Variants in ADCY2 observed in about 807,000 individuals in gnomAD.
ADCY2 encodes adenylate cyclase type 2.
Under a neutral mutation model 125.2 loss-of-function variants are expected in ADCY2, and 31 were observed. The observed-to-expected ratio is 0.25, with a 90% confidence interval of 0.19 to 0.33. ADCY2 has a LOEUF of 0.33. Ranked by LOEUF, ADCY2 falls within the 10% of genes least tolerant of loss-of-function variation. The probability of loss-of-function intolerance (pLI) is 1.00; values close to 1 mark genes in which losing one functional copy is unlikely to be tolerated. For synonymous variants in ADCY2, 512 were observed against 548.4 expected (o/e 0.93, Z 0.93); for missense variants, 904 against 1,418.2 (o/e 0.64, Z 5.82).
intron 2 of ADCY2, among the ~76,000 whole-genome samples, chr5:7,422,279 A>G (rs778467205): frequency 3.9e-5 from 6 of 152,018 alleles, no homozygotes; most frequent in Non-Finnish European, 8.8e-5. Context: ...GGCCGCAAGC[A>G]ATCTTCCTGC....
intron 13 of ADCY2, among the ~76,000 whole-genome samples, chr5:7,725,527 A>G (rs1212664346): frequency 6.6e-6 from 1 of 152,106 alleles, no homozygotes; most frequent in Non-Finnish European, 1.5e-5. Context: ...GACTCTGACC[A>G]TTGACTGCAG....
chr5:7,418,645 C>CTTT (rs1160037097), intron 2 of ADCY2, among the ~76,000 whole-genome samples: 8 of 92,496 alleles, frequency 8.6e-5, no homozygotes, highest in African/African-American at 3.1e-4. Flanking sequence ...AGTCTACCTT[C>CTTT]TGTTTTTTTT....
At chr5:7,582,698 A>C (rs766279792) in intron 3 of ADCY2, among the ~76,000 whole-genome samples, 5 of 152,164 alleles carry the variant, frequency 3.3e-5, no homozygotes, top group Admixed American at 6.5e-5. Context: ...TGATTAAAAC[A>C]CTCAGTAGTT....
At chr5:7,696,780 T>TC (rs144484023) in intron 6 of ADCY2, among the ~76,000 whole-genome samples, 2,422 of 152,178 alleles carry the variant, frequency 0.016, 57 homozygotes, top group African/African-American at 0.047. Flanking sequence ...TGGGCCAAAC[T>TC]CCCCAAGGTT....
intron 14 of ADCY2, among the ~76,000 whole-genome samples, chr5:7,732,756 G>A (rs1391423956): frequency 6.6e-6 from 1 of 152,140 alleles, no homozygotes; most frequent in Admixed American, 6.5e-5. Context: ...GTGAGTAAAT[G>A]AATGAATGAA....
At chr5:7,562,115 G>C (rs1735727141) in intron 3 of ADCY2, among the ~76,000 whole-genome samples, 1 of 151,888 alleles carries the variant, frequency 6.6e-6, no homozygotes. Flanking sequence ...ACTAATTATT[G>C]TTGATATATA....
intron 3 of ADCY2, among the ~76,000 whole-genome samples, chr5:7,538,811 C>G (rs1442850845): frequency 6.6e-6 from 1 of 151,310 alleles, no homozygotes; most frequent in Non-Finnish European, 1.5e-5. Context: ...TGGTTTTCAA[C>G]ACAAATTTTT....
chr5:7,480,949 A>G (rs1271965702), intron 2 of ADCY2, among the ~76,000 whole-genome samples: 1 of 152,152 alleles, frequency 6.6e-6, no homozygotes, highest in Non-Finnish European at 1.5e-5. Context: ...AAACATGGGA[A>G]TGCAGATATC....
At chr5:7,526,217 C>G (rs1390317076) in intron 3 of ADCY2, among the ~76,000 whole-genome samples, 4 of 152,176 alleles carry the variant, frequency 2.6e-5, no homozygotes, top group African/African-American at 4.8e-5. Context: ...TTGGCCTCCC[C>G]CATCCACTGC....
chr5:7,502,235 A>T (rs1414663220), intron 2 of ADCY2, among the ~76,000 whole-genome samples: 1 of 152,180 alleles, frequency 6.6e-6, no homozygotes, highest in South Asian at 2.1e-4. Flanking sequence ...CCTCTGCCTA[A>T]GCACACTATG....
intron 2 of ADCY2, among the ~76,000 whole-genome samples, chr5:7,510,869 A>T (rs1197508393): frequency 6.6e-6 from 1 of 152,210 alleles, no homozygotes; most frequent in Non-Finnish European, 1.5e-5. Context: ...AAGAGTTGTG[A>T]TACTCTGCTT....
At chr5:7,413,981 TGA>T (rs1739836863) in intron 1 of ADCY2, among the ~76,000 whole-genome samples, 1 of 152,224 alleles carries the variant, frequency 6.6e-6, no homozygotes, top group Admixed American at 6.5e-5. Flanking sequence ...CCATCTCTCT[TGA>T]GAGAGAAATA....
chr5:7,703,210 C>G (rs1741148054), intron 7 of ADCY2, among the ~76,000 whole-genome samples: 1 of 152,198 alleles, frequency 6.6e-6, no homozygotes. Context: ...GTTTCTTTTG[C>G]TGTGCAGAAG....
chr5:7,676,918 T>G (rs891215884), intron 4 of ADCY2, among the ~76,000 whole-genome samples: 1 of 152,160 alleles, frequency 6.6e-6, no homozygotes, highest in Admixed American at 6.5e-5. Flanking sequence ...AAGTTGGAGT[T>G]TCTGTATTGC....
intron 18 of ADCY2, among the ~76,000 whole-genome samples, chr5:7,781,606 G>A (rs1743924772): frequency 6.6e-6 from 1 of 152,196 alleles, no homozygotes; most frequent in African/African-American, 2.4e-5. Context: ...AGAAGGACAT[G>A]GCCCTGAGAA....
intron 3 of ADCY2, among the ~76,000 whole-genome samples, chr5:7,614,228 G>A (rs1458958919): frequency 6.6e-6 from 1 of 152,134 alleles, no homozygotes; most frequent in Non-Finnish European, 1.5e-5. Flanking sequence ...GGGTTATGTT[G>A]AAATATCTCA....
chr5:7,549,449 A>G (rs1014368837), intron 3 of ADCY2, among the ~76,000 whole-genome samples: 3 of 152,200 alleles, frequency 2.0e-5, no homozygotes, highest in African/African-American at 7.2e-5. Context: ...GCTGGGCAGG[A>G]AAATGTAATT....
intron 4 of ADCY2, among the ~76,000 whole-genome samples, chr5:7,655,930 C>A (rs564435693): frequency 6.6e-6 from 1 of 152,270 alleles, no homozygotes; most frequent in African/African-American, 2.4e-5. Context: ...TGCTTCTTCA[C>A]CACCTGTGAG....
rs910053390 is a variant in ADCY2 at position 7,514,151 on chromosome 5, G to A, written c.409-6587G>A. On this transcript the variant is annotated intron_variant, in intron 2 of 24. Transcript: ENST00000338316. ...TTTAATCTATGATTGGCATATTTGG[G>A]AATATTTTGGCCTGTCATTGCACTC... Among the ~76,000 whole-genome samples the A allele has an allele frequency of 3.3e-5, 5 of 152,236 alleles. 2 individuals are homozygous for A. The highest frequency in any genetic ancestry group is 3.3e-4 in the Admixed American group (5 of 15,292).
Sources: gnomAD v4.1 joint callset for allele counts (sites outside exome capture counted in the v4.1 genomes callset) on GRCh38, gnomAD v4.1.1 for gene constraint, MANE v1.5 for transcripts, NCBI Gene and HGNC (gene_info 2026-07-23, HGNC 2026-07-21) for gene names.